SLK: variants seen among roughly 807,000 people sequenced by gnomAD.
SLK encodes STE20 like kinase.
Under a neutral mutation model 147.7 loss-of-function variants are expected in SLK, and 67 were observed. That is an observed-to-expected ratio of 0.45 (90% confidence interval 0.37 to 0.56). The LOEUF (loss-of-function observed/expected upper bound fraction) is 0.56, where lower values mean the gene tolerates loss of function less well. SLK is among the 20% of genes least tolerant of loss of function. SLK has a pLI of 0.00. For missense variants in SLK, 1,136 were observed against 1,438.8 expected (o/e 0.79, Z 3.41); for synonymous variants, 441 against 475.0 (o/e 0.93, Z 0.93).
chr10:103,972,137 T>C (rs888377655), intron 1 of SLK, among the ~76,000 whole-genome samples: 2 of 152,248 alleles, frequency 1.3e-5, no homozygotes, highest in African/African-American at 4.8e-5. Flanking sequence ...TCTTTTTCGT[T>C]GTAGCATTGT....
chr10:104,019,037 T>C lies in SLK; in HGVS notation c.3132+129T>C, dbSNP rs942312268. Reference sequence around the variant, plus strand: ...TTTCTGTCTTTTATCCTACAATTTCTTGGATGAAGTTTGGAGTAATTAATT... The same window carrying C: ...TTTCTGTCTTTTATCCTACAATTTCCTGGATGAAGTTTGGAGTAATTAATT... On this transcript the variant is annotated intron_variant, in intron 15 of 18. Transcript: ENST00000369755. 1.4e-5 allele frequency: 13 copies of C among 900,544 alleles called. No homozygotes were observed. The Admixed American group carries it at 1.9e-4, about 13-fold the overall frequency. 55.8% of individuals were successfully genotyped at this position (900,544 alleles called of 1,614,324 possible). A position where few individuals can be genotyped will look rare whatever the true frequency, so the allele number is the denominator to read the frequency against.
Position 104,023,834 on chromosome 10 carries a change from T to C in SLK, c.3562-1740T>C, listed in dbSNP as rs955915433. Among the ~76,000 whole-genome samples the C allele has an allele frequency of 4.6e-5, 7 of 152,224 alleles. No individual in the cohort carries two copies. The East Asian group carries it at 1.3e-3, about 29-fold the overall frequency. Reference sequence around the variant, plus strand: ...AAGCATGCCATGATCGCTTCATTTATTGATATGTACCCAGTTTCTAGAACA... The same window carrying C: ...AAGCATGCCATGATCGCTTCATTTACTGATATGTACCCAGTTTCTAGAACA... On this transcript the variant is annotated intron_variant, in intron 18 of 18. Transcript: ENST00000369755.
rs56381345 is a variant in SLK, at chr10:103,992,141, G to GTTTTTTTTTTTTTTTTTTTTTT, written c.316-439_316-438insTTTTTTTTTTTTTTTTTTTTTT. On this transcript the variant is annotated intron_variant, in intron 2 of 18. Coordinates refer to ENST00000369755, the MANE Select transcript of SLK (RefSeq NM_014720.4). ...TGAAGCTTTTGTGGGTATTTCTTCT[G>GTTTTTTTTTTTTTTTTTTTTTT]TTTTTTTTTTTTTTTTTTCTAAAAG... Among the ~76,000 whole-genome samples the GTTTTTTTTTTTTTTTTTTTTTT allele has an allele frequency of 4.5e-3, 409 of 91,728 alleles. 41 individuals are homozygous for GTTTTTTTTTTTTTTTTTTTTTT. The highest frequency in any genetic ancestry group is 8.3e-3 in the East Asian group (24 of 2,886). The allele number at this position is 91,728 out of a possible 152,430, so 60.2% of individuals were successfully genotyped here. A position where few individuals can be genotyped will look rare whatever the true frequency, so the allele number is the denominator to read the frequency against.
chr10:104,004,982 A>AT (rs1054810813), intron 9 of SLK, among the ~76,000 whole-genome samples: 3 of 152,082 alleles, frequency 2.0e-5, no homozygotes. Context: ...TGGCCCTGAG[A>AT]TGGAGGGAGG....
At chr10:103,976,313 A>G (rs11596210) in intron 1 of SLK, among the ~76,000 whole-genome samples, 119,614 of 152,092 alleles carry the variant, frequency 0.79, 47,404 homozygotes, top group East Asian at 0.9. Flanking sequence ...GGAATTTTCT[A>G]GGTCATAGGT....
intron 1 of SLK, among the ~76,000 whole-genome samples, chr10:103,988,419 G>A (rs1224885317): frequency 2.0e-5 from 3 of 152,126 alleles, no homozygotes; most frequent in African/African-American, 7.2e-5. Context: ...TAAGCTTGTG[G>A]GGGTTATTTA....
intron 11 of SLK, among the ~76,000 whole-genome samples, chr10:104,007,891 G>T (rs1343417417): frequency 2.0e-5 from 3 of 152,018 alleles, no homozygotes; most frequent in Non-Finnish European, 1.5e-5. Flanking sequence ...GGCCGAGGCT[G>T]CAGTGAACTG....
chr10:104,014,731 T>C (rs1252666022), intron 13 of SLK, among the ~76,000 whole-genome samples: 8 of 152,200 alleles, frequency 5.3e-5, no homozygotes, highest in Non-Finnish European at 1.2e-4. Context: ...TTTTAATGTT[T>C]ATAGTTATCT....
rs1844589360 is a variant in SLK, at chr10:104,025,716, C to A, written c.3704C>A (p.Ser1235Ter). 2 of 1,613,976 alleles carry A rather than the reference C, an allele frequency of 1.2e-6. No individual in the cohort carries two copies. The highest frequency in any genetic ancestry group is 1.1e-5 in the South Asian group (1 of 91,066). Residue 1235 changes from serine (S) to a stop codon, truncating the protein, a stop_gained, in exon 19 of 19, where the codon TCA (serine) becomes TAA (stop). Transcript: ENST00000369755. LOFTEE classifies it high-confidence loss of function. Reference protein sequence around the residue: ...YPIPSLHSTGS With the variant: ...YPIPSLHSTG ...ATTCCCAGCTTGCATTCCACCGGAT[C>A]ATAACAAAGGGAAGCATTCTGTGCG...
At chr10:104,018,106 T>C (rs1844486910) in intron 13 of SLK, 54 bp from the exon 14 acceptor site, 5 of 1,436,958 alleles carry the variant, frequency 3.5e-6, no homozygotes, top group Middle Eastern at 1.8e-4. Flanking sequence ...TATAGATAAA[T>C]GGATGTTTAG....
chr10:104,019,618 C>A, intron 15 of SLK, 116 bp from the exon 16 acceptor site: 2 of 853,914 alleles, frequency 2.3e-6, no homozygotes, highest in Non-Finnish European at 3.8e-6. Context: ...CTGGTCACTG[C>A]AACAAGGGAG....
chr10:103,980,943 AT>A (rs1209142288), intron 1 of SLK, among the ~76,000 whole-genome samples: 2 of 152,094 alleles, frequency 1.3e-5, no homozygotes, highest in Non-Finnish European at 2.9e-5. Flanking sequence ...ATTTCCATCG[AT>A]TTGTGCACAA....
chr10:104,018,140 C>T lies in SLK; in HGVS notation c.2878-20C>T. ...AGTTCATTAGATACTTATTAACTGACAATTAACTGTTTTTAATAGGAACAA... is the reference window on the plus strand; with the variant it reads ...AGTTCATTAGATACTTATTAACTGATAATTAACTGTTTTTAATAGGAACAA... On this transcript the variant is annotated intron_variant, in intron 13 of 18. Coordinates refer to ENST00000369755, the MANE Select transcript of SLK (RefSeq NM_014720.4). The T allele has an allele frequency of 6.3e-7, 1 of 1,575,314 alleles. No individual in the cohort carries two copies. The highest frequency in any genetic ancestry group is 8.6e-7 in the Non-Finnish European group (1 of 1,157,400).
chr10:104,012,598 GA>G (rs1844413609), intron 13 of SLK, among the ~76,000 whole-genome samples: 1 of 152,176 alleles, frequency 6.6e-6, no homozygotes, highest in South Asian at 2.1e-4. Flanking sequence ...AAGGCTGAGT[GA>G]CCCTCCCAAG....
intron 15 of SLK, among the ~76,000 whole-genome samples, 185 bp from the exon 16 acceptor site, chr10:104,019,549 G>A (rs1039061373): frequency 6.6e-6 from 1 of 152,162 alleles, no homozygotes; most frequent in Non-Finnish European, 1.5e-5. Flanking sequence ...TGGGATTACA[G>A]GTGTCAGCCA....
chr10:103,997,171 TACA>T (rs1844185868), intron 4 of SLK, among the ~76,000 whole-genome samples: 1 of 152,242 alleles, frequency 6.6e-6, no homozygotes, highest in African/African-American at 2.4e-5. Context: ...TGTGGAATCA[TACA>T]ACATTTGTCC....
At position 104,003,373 on chromosome 10, in the gene SLK, CTG is replaced by C; in HGVS notation, c.2196_2197del (p.Glu733AsnfsTer8). ...GAAGAAATAGGTTCTTTATCAAAAA[CTG>C]AAACTATTCTGCCACCAGAATCTGA... On this transcript the variant is annotated frameshift_variant, in exon 9 of 19. Coordinates refer to ENST00000369755, the MANE Select transcript of SLK (RefSeq NM_014720.4). LOFTEE classifies it high-confidence loss of function. The C allele has an allele frequency of 6.2e-7, 1 of 1,613,980 alleles. No homozygotes were observed. The highest frequency in any genetic ancestry group is 1.6e-4 in the Middle Eastern group (1 of 6,062).
intron 1 of SLK, among the ~76,000 whole-genome samples, chr10:103,985,118 TTTA>T (rs1347666386): frequency 4.6e-5 from 7 of 152,196 alleles, no homozygotes; most frequent in East Asian, 1.9e-4. Flanking sequence ...GTTGTTCTAT[TTTA>T]TTATTATTGT....
intron 1 of SLK, among the ~76,000 whole-genome samples, chr10:103,975,497 C>T (rs768883816): frequency 2.7e-4 from 38 of 139,330 alleles, no homozygotes; most frequent in Non-Finnish European, 3.5e-4. Context: ...TCTTCACTGT[C>T]ATTTCACTAG....
Sources: allele counts gnomAD v4.1 joint callset (sites outside exome capture counted in the v4.1 genomes callset), GRCh38; gene constraint gnomAD v4.1.1; transcripts MANE v1.5; gene names NCBI Gene and HGNC (gene_info 2026-07-23, HGNC 2026-07-21).